KIF27: variants seen among roughly 807,000 people sequenced by gnomAD.
The protein encoded by KIF27 is kinesin family member 27.
A neutral mutation model predicts 141.8 loss-of-function variants in KIF27; 84 were observed. That is an observed-to-expected ratio of 0.59 (90% CI 0.50 to 0.71). The LOEUF (loss-of-function observed/expected upper bound fraction) is 0.71. Ranked by LOEUF, KIF27 falls within the 30% of genes least tolerant of loss-of-function variation. The pLI is 0.00. For missense variants in KIF27, 1,306 were observed against 1,628.4 expected (o/e 0.80, Z 3.41); for synonymous variants, 471 against 569.5 (o/e 0.83, Z 2.46).
Position 83,859,338 on chromosome 9 carries a change from G to C in KIF27, c.2968C>G (p.Arg990Gly), listed in dbSNP as rs748127848. The C allele has an allele frequency of 6.2e-7, 1 of 1,614,016 alleles. No individual in the cohort carries two copies. The highest frequency in any genetic ancestry group is 1.1e-5 in the South Asian group (1 of 91,066). Residue 990 changes from arginine to glycine, a missense_variant, in exon 14 of 18, where the codon CGC becomes GGC. Arg to Gly is a moderately radical substitution (Grantham distance 125, BLOSUM62 -2). Transcript: ENST00000297814. ...LNTDSLKIST[R>G]LNLLEQELSE... The stretch of plus-strand genomic sequence containing the variant: ...AACTCTTGTTCCAGTAAGTTCAGGC[G>C]AGTTGATATTTTCAAACTATCTGTG...
At chr9:83,921,157 A>AC (rs1436931989) in intron 1 of KIF27, among the ~76,000 whole-genome samples, 2 of 149,820 alleles carry the variant, frequency 1.3e-5, no homozygotes, top group Non-Finnish European at 3.0e-5. Flanking sequence ...CCGACCCCAG[A>AC]CCCCTCGGAC....
At chr9:83,909,491 GTAATCCCAAATA>G (rs894177581) in intron 2 of KIF27, among the ~76,000 whole-genome samples, 1 of 151,920 alleles carries the variant, frequency 6.6e-6, no homozygotes, top group Non-Finnish European at 1.5e-5. Flanking sequence ...GCCCATGCCT[GTAATCCCAAATA>G]TTTGGGTGGC....
chr9:83,880,859 C>T (rs1257764375), intron 10 of KIF27, among the ~76,000 whole-genome samples: 4 of 152,140 alleles, frequency 2.6e-5, no homozygotes, highest in Non-Finnish European at 5.9e-5. Context: ...CCTAATCTAC[C>T]TGTCCTGCTT....
chr9:83,915,796 C>T, intron 1 of KIF27, 118 bp from the exon 2 acceptor site: 1 of 536,436 alleles, frequency 1.9e-6, no homozygotes, highest in Non-Finnish European at 3.3e-6. Flanking sequence ...AACACAGTTA[C>T]AAAGAGTAAG....
At chr9:83,876,956 T>C (rs577924042) in intron 11 of KIF27, among the ~76,000 whole-genome samples, 92 of 152,212 alleles carry the variant, frequency 6.0e-4, no homozygotes, top group African/African-American at 2.1e-3. Flanking sequence ...TGTGCGTCTG[T>C]AGTCCCACTG....
intron 11 of KIF27, among the ~76,000 whole-genome samples, chr9:83,872,309 G>A (rs560311023): frequency 1.1e-4 from 16 of 152,214 alleles, no homozygotes; most frequent in South Asian, 8.3e-4. Flanking sequence ...GTGAGACTCC[G>A]TCTCAAAACA....
In KIF27 at chr9:83,887,303, G is replaced by C. The variant is rs544220830; in HGVS notation, c.2084-107C>G. 3 of 699,420 alleles carry C rather than the reference G, an allele frequency of 4.3e-6. No individual in the cohort carries two copies. The South Asian group carries it at 8.3e-5, about 19-fold the overall frequency. The allele number at this position is 699,420 out of a possible 1,614,324, so 43.3% of individuals were successfully genotyped here. A position where few individuals can be genotyped will look rare whatever the true frequency, so the allele number is the denominator to read the frequency against. ...CAAAAGCAATTTAGAGGTGGCAGTG[G>C]AAGAGACAAAAAGGAAGGGGAGGAA... On this transcript the variant is annotated intron_variant, in intron 8 of 17. Transcript: ENST00000297814.
In KIF27 at chr9:83,869,599, C is replaced by A. The variant is rs1242801743; in HGVS notation, c.2757+920G>T. Among the ~76,000 whole-genome samples, 9 of 152,100 alleles carry A rather than the reference C, an allele frequency of 5.9e-5. No homozygotes were observed. The East Asian group carries it at 1.7e-3, about 29-fold the overall frequency. ...AAAATTAGCCAGGCGTGGTGGTGGG[C>A]ACCTGTGGTCCCAGCCACTTGGGAA... On this transcript the variant is annotated intron_variant, in intron 12 of 17. Coordinates refer to ENST00000297814, the MANE Select transcript of KIF27 (RefSeq NM_017576.4).
intron 11 of KIF27, among the ~76,000 whole-genome samples, chr9:83,877,858 T>G (rs1484216378): frequency 1.3e-5 from 2 of 151,996 alleles, no homozygotes; most frequent in Non-Finnish European, 2.9e-5. Context: ...GAATAGACAT[T>G]TCTCCAAAGA....
chr9:83,845,577 G>A lies in KIF27; in HGVS notation c.3557-3176C>T, dbSNP rs565671303. 6.6e-5 allele frequency among the ~76,000 whole-genome samples: 10 copies of A among 152,286 alleles called. No individual in the cohort carries two copies. The South Asian group carries it at 1.2e-3, about 19-fold the overall frequency. ...GCCTGGTTCACAGATGGTTCTGCAC[G>A]ATATGCAGGCACCACCTGAAAGTGG... On this transcript the variant is annotated intron_variant, in intron 16 of 17. Transcript: ENST00000297814.
chr9:83,902,447 C>T (rs1379638480), intron 4 of KIF27, among the ~76,000 whole-genome samples: 1 of 152,122 alleles, frequency 6.6e-6, no homozygotes, highest in Admixed American at 6.5e-5. Context: ...TAAACAGTTT[C>T]TGAATGAAAA....
intron 8 of KIF27, among the ~76,000 whole-genome samples, chr9:83,887,621 T>A (rs924184927): frequency 2.0e-5 from 3 of 152,150 alleles, no homozygotes; most frequent in African/African-American, 7.2e-5. Flanking sequence ...GTTACTGTCC[T>A]GCACCAGAAT....
Position 83,908,279 on chromosome 9 carries a change from AAGAG to A in KIF27, c.499+169_499+172del, listed in dbSNP as rs1554683031. On this transcript the variant is annotated intron_variant, in intron 3 of 17. Coordinates refer to ENST00000297814, the MANE Select transcript of KIF27 (RefSeq NM_017576.4). ...TCCATCTCAAAAAAAAAAAAAAAAA[AAGAG>A]AGAGAGAGGGATTAATAATAAAGCT... Among the ~76,000 whole-genome samples, 7 of 151,732 alleles carry A rather than the reference AAGAG, an allele frequency of 4.6e-5. No homozygotes were observed. The South Asian group carries it at 6.2e-4, about 14-fold the overall frequency.
intron 4 of KIF27, among the ~76,000 whole-genome samples, chr9:83,901,641 G>A (rs1467733103): frequency 2.6e-5 from 4 of 152,182 alleles, no homozygotes; most frequent in East Asian, 3.9e-4. Flanking sequence ...TTGGGAGGCC[G>A]AGGCGGGCGG....
intron 7 of KIF27, among the ~76,000 whole-genome samples, chr9:83,888,855 C>T (rs1952386157): frequency 7.0e-6 from 1 of 143,488 alleles, no homozygotes. Flanking sequence ...AAATTAGAAT[C>T]TCATTACTAT....
chr9:83,876,206 A>C (rs1951192124), intron 11 of KIF27, among the ~76,000 whole-genome samples: 1 of 152,130 alleles, frequency 6.6e-6, no homozygotes, highest in Non-Finnish European at 1.5e-5. Flanking sequence ...CTTAACTTCT[A>C]TACTCCATCC....
At chr9:83,901,543 T>A (rs1313838183) in intron 4 of KIF27, among the ~76,000 whole-genome samples, 1 of 152,160 alleles carries the variant, frequency 6.6e-6, no homozygotes. Flanking sequence ...TTAAAGAGAT[T>A]TGCAAAAATG....
chr9:83,888,970 C>T (rs1420179354), intron 7 of KIF27, 114 bp downstream of exon 7: 4 of 1,272,394 alleles, frequency 3.1e-6, no homozygotes, highest in Non-Finnish European at 4.2e-6. Context: ...GCAAAAGTTA[C>T]CTACTCTTCT....
At chr9:83,854,579 T>C (rs1246893283) in intron 14 of KIF27, among the ~76,000 whole-genome samples, 1 of 152,208 alleles carries the variant, frequency 6.6e-6, no homozygotes, top group Non-Finnish European at 1.5e-5. Context: ...TCTTTTTTTA[T>C]TTTGGACACA....
Sources: gnomAD v4.1 joint callset for allele counts (sites outside exome capture counted in the v4.1 genomes callset) on GRCh38, gnomAD v4.1.1 for gene constraint, MANE v1.5 for transcripts, NCBI Gene and HGNC (gene_info 2026-07-23, HGNC 2026-07-21) for gene names.